Variants in NAE1 observed in about 807,000 individuals in gnomAD.
NAE1 encodes the protein NEDD8-activating enzyme E1 regulatory subunit.
NAE1 carries 59 observed loss-of-function variants against 88.0 expected under a neutral mutation model. The ratio of observed to expected loss-of-function variants is 0.67; its 90% CI spans 0.54 to 0.83. NAE1 has a LOEUF of 0.83. Among genes scored for constraint, NAE1 ranks in the 40% least tolerant of loss-of-function variants. The pLI is 0.00. For synonymous variants in NAE1, 186 were observed against 208.9 expected, an observed-to-expected ratio of 0.89 and a Z score of 0.95; for missense variants, 554 against 632.8, an observed-to-expected ratio of 0.88 and a Z score of 1.34.
chr16:66,826,420 A>T (rs778301892), intron 3 of NAE1, 103 bp downstream of exon 3: 4 of 1,071,286 alleles, frequency 3.7e-6, no homozygotes, highest in Non-Finnish European at 5.6e-6. Flanking sequence ...AAACATAAGG[A>T]TGATTTCCAC....
intron 7 of NAE1, among the ~76,000 whole-genome samples, chr16:66,820,367 C>G (rs971269756): frequency 6.6e-6 from 1 of 152,228 alleles, no homozygotes; most frequent in Non-Finnish European, 1.5e-5. Flanking sequence ...TGGTCTCTTA[C>G]AACAGTTTCC....
intron 6 of NAE1, among the ~76,000 whole-genome samples, chr16:66,821,984 C>T (rs1047904253): frequency 1.3e-5 from 2 of 152,104 alleles, no homozygotes; most frequent in African/African-American, 4.8e-5. Context: ...ATTCTCCCAT[C>T]CCAGCCTCCT....
At chr16:66,819,473 T>C (rs961763898) in intron 7 of NAE1, among the ~76,000 whole-genome samples, 5 of 152,230 alleles carry the variant, frequency 3.3e-5, no homozygotes, top group African/African-American at 1.2e-4. Flanking sequence ...TATGTGACCT[T>C]AGGCAAATAA....
chr16:66,810,598 A>C, intron 14 of NAE1, 99 bp downstream of exon 14: 2 of 1,184,498 alleles, frequency 1.7e-6, no homozygotes, highest in South Asian at 2.6e-5. Flanking sequence ...CTCCCTCTAA[A>C]GAAGCACAGA....
rs75536065 is a variant in NAE1 at position 66,819,192 on chromosome 16, C to T, written c.512-555G>A. Among the ~76,000 whole-genome samples, 1,446 of 152,230 alleles carry T rather than the reference C, an allele frequency of 9.5e-3. 27 individuals are homozygous for T. Among genetic ancestry groups the T allele is most frequent in the African/African-American group, 0.033 (1,378 of 41,526 alleles). On this transcript the variant is annotated intron_variant, in intron 7 of 19. Transcript: ENST00000290810. ...ACACAATTTGTTCTAACTGGAAAAG[C>T]TCAACATTGACAAACCCTAGGTACA... is the stretch of plus-strand genomic sequence containing the variant.
chr16:66,817,497 A>C lies in NAE1; in HGVS notation c.622-10T>G. 6.5e-7 allele frequency: 1 copy of C among 1,533,928 alleles called. No homozygotes were observed. Among genetic ancestry groups the C allele is most frequent in the Non-Finnish European group, 8.8e-7 (1 of 1,138,078 alleles). Reference sequence around the variant, plus strand: ...GAGTATGACTGTGGTCCTAAAAATGAGAGACAAATAAAAGAAAATATCAGT... The same window carrying C: ...GAGTATGACTGTGGTCCTAAAAATGCGAGACAAATAAAAGAAAATATCAGT... On this transcript the variant is annotated splice_polypyrimidine_tract_variant and intron_variant, in intron 8 of 19. Coordinates refer to ENST00000290810, the MANE Select transcript of NAE1 (RefSeq NM_003905.4).
At chr16:66,812,451 T>C (rs917508348) in intron 13 of NAE1, among the ~76,000 whole-genome samples, 1 of 151,820 alleles carries the variant, frequency 6.6e-6, no homozygotes, top group African/African-American at 2.4e-5. Flanking sequence ...TAGGCGTATG[T>C]GGTAATTCTG....
At chr16:66,828,546 T>C (rs1960560126) in intron 1 of NAE1, among the ~76,000 whole-genome samples, 2 of 150,812 alleles carry the variant, frequency 1.3e-5, no homozygotes, top group South Asian at 2.1e-4. Flanking sequence ...ATAGTGTGTG[T>C]GCCTGTAGTC....
In NAE1 at chr16:66,826,924, T is replaced by C. The variant is rs1294763062; in HGVS notation, c.54-144A>G. On this transcript the variant is annotated intron_variant, in intron 1 of 19. Coordinates refer to ENST00000290810, the MANE Select transcript of NAE1 (RefSeq NM_003905.4). ...GGTAAGACGGGAACAGATATTAGTA[T>C]AGTGATTATACAGTAATCTAGAACT... is the stretch of plus-strand genomic sequence containing the variant. 13 of 712,124 alleles carry C rather than the reference T, an allele frequency of 1.8e-5. No individual in the cohort carries two copies. The East Asian group carries it at 3.0e-4, about 16-fold the overall frequency. The allele number at this position is 712,124 out of a possible 1,614,324, so 44.1% of individuals were successfully genotyped here. A position where few individuals can be genotyped will look rare whatever the true frequency, so the allele number is the denominator to read the frequency against.
chr16:66,807,258 G>A (rs958742251), intron 17 of NAE1, among the ~76,000 whole-genome samples: 1 of 152,206 alleles, frequency 6.6e-6, no homozygotes, highest in African/African-American at 2.4e-5. Flanking sequence ...ACAGATAACT[G>A]AAATAAATAC....
At chr16:66,805,639 A>C in intron 19 of NAE1, 138 bp downstream of exon 19, 1 of 515,068 alleles carries the variant, frequency 1.9e-6, no homozygotes, top group Non-Finnish European at 2.8e-6. Context: ...CTGCGTCTCA[A>C]AAAAAAAAAA....
At position 66,802,996 on chromosome 16, in the gene NAE1, GTGCT is replaced by G; in HGVS notation, c.*9_*12del. The G allele has an allele frequency of 6.7e-7, 1 of 1,497,410 alleles. No individual in the cohort carries two copies. The highest frequency in any genetic ancestry group is 9.3e-7 in the Non-Finnish European group (1 of 1,074,166). 92.8% of individuals were successfully genotyped at this position (1,497,410 alleles called of 1,614,324 possible). On this transcript the variant is annotated 3_prime_UTR_variant, in exon 20 of 20. Transcript: ENST00000290810. ...TTCAATCATTAACACACTACTTAAGGTGCTTGCTTACTCTACAACTGGAAAGTTG... is the reference window on the plus strand; with the variant it reads ...TTCAATCATTAACACACTACTTAAGGTGCTTACTCTACAACTGGAAAGTTG...
At chr16:66,825,319 C>T (rs969072368) in intron 3 of NAE1, among the ~76,000 whole-genome samples, 7 of 151,812 alleles carry the variant, frequency 4.6e-5, no homozygotes, top group African/African-American at 1.5e-4. Flanking sequence ...TGGTGGCGGG[C>T]GCCTGTAGTC....
At chr16:66,830,652 G>A (rs1204159882) in intron 1 of NAE1, among the ~76,000 whole-genome samples, 195 bp downstream of exon 1, 1 of 152,228 alleles carries the variant, frequency 6.6e-6, no homozygotes, top group Non-Finnish European at 1.5e-5. Flanking sequence ...GGCGGGGGAA[G>A]GGGTCCCAGC....
chr16:66,817,454 C>A lies in NAE1; in HGVS notation c.655G>T (p.Ala219Ser). 1 of 1,603,872 alleles carries A rather than the reference C, an allele frequency of 6.2e-7. No individual in the cohort carries two copies. The highest frequency in any genetic ancestry group is 1.1e-5 in the South Asian group (1 of 88,566). Residue 219 changes from alanine to serine, a missense_variant, in exon 9 of 20, where the codon GCT becomes TCT. Coordinates refer to ENST00000290810, the MANE Select transcript of NAE1 (RefSeq NM_003905.4). The stretch of plus-strand genomic sequence containing the variant: ...CTATACCACTGTGCTAAATATTTAG[C>A]TATGATCACAATCCATGGAGTATGA... ...HSHTPWIVII[A>S]KYLAQWYSET... is the part of the protein sequence containing the mutation.
intron 7 of NAE1, among the ~76,000 whole-genome samples, chr16:66,820,003 T>C (rs918019132): frequency 4.6e-5 from 7 of 152,316 alleles, no homozygotes; most frequent in South Asian, 2.1e-4. Context: ...AAGTGACCCA[T>C]TTAAAATAAA....
intron 14 of NAE1, 108 bp from the exon 15 acceptor site, chr16:66,810,521 G>C: frequency 8.7e-7 from 1 of 1,145,398 alleles, no homozygotes; most frequent in African/African-American, 1.6e-5. Flanking sequence ...TCCAAGAGCT[G>C]GGAGAGCACT....
At chr16:66,806,211 T>C (rs1959556018) in intron 17 of NAE1, 185 bp from the exon 18 acceptor site, 2 of 586,004 alleles carry the variant, frequency 3.4e-6, no homozygotes, top group African/African-American at 1.9e-5. Context: ...AACTAAAACC[T>C]AGTAAAAATT....
At chr16:66,805,672 C>T in intron 19 of NAE1, 105 bp downstream of exon 19, 1 of 913,046 alleles carries the variant, frequency 1.1e-6, no homozygotes, top group Non-Finnish European at 1.5e-6. Flanking sequence ...TAACATCCTG[C>T]TTCACTGACC....
Sources: gnomAD v4.1 joint callset for allele counts (sites outside exome capture counted in the v4.1 genomes callset) on GRCh38, gnomAD v4.1.1 for gene constraint, MANE v1.5 for transcripts, NCBI Gene and HGNC (gene_info 2026-07-23, HGNC 2026-07-21) for gene names.